Variants in MTUS2 observed in about 807,000 individuals in gnomAD.
The protein encoded by MTUS2 is microtubule associated scaffold protein 2, also known as microtubule-associated tumor suppressor candidate 2.
Under a neutral mutation model 114.1 loss-of-function variants are expected in MTUS2, and 40 were observed. The ratio of observed to expected loss-of-function variants is 0.35; its 90% CI spans 0.27 to 0.46. The LOEUF (loss-of-function observed/expected upper bound fraction) is 0.46, where lower values mean the gene tolerates loss of function less well. MTUS2 is among the 20% of genes least tolerant of loss of function. The pLI is 1.00. For synonymous variants in MTUS2, 688 were observed against 672.0 expected, an observed-to-expected ratio of 1.02 and a Z score of -0.37; for missense variants, 1,679 against 1,705.4, an observed-to-expected ratio of 0.98 and a Z score of 0.27.
intron 5 of MTUS2, among the ~76,000 whole-genome samples, chr13:29,195,230 A>G (rs1397936142): frequency 1.5e-5 from 2 of 132,350 alleles, no homozygotes; most frequent in Non-Finnish European, 3.2e-5. Flanking sequence ...GTACCCTAAA[A>G]CTTAAAGTAT....
intron 2 of MTUS2, among the ~76,000 whole-genome samples, chr13:28,852,975 T>TACATA (rs57396668): frequency 0.092 from 13,864 of 151,184 alleles, 732 homozygotes; most frequent in Middle Eastern, 0.12. Context: ...ATACATACAT[T>TACATA]CATTCATTCA....
intron 5 of MTUS2, among the ~76,000 whole-genome samples, chr13:29,149,540 A>T (rs1405149790): frequency 6.6e-6 from 1 of 152,018 alleles, no homozygotes; most frequent in African/African-American, 2.4e-5. Context: ...CCCATTTGTC[A>T]ATTTTAGTTT....
At position 29,389,809 on chromosome 13, in the gene MTUS2, GTATATATACATACATA is replaced by G. The variant is rs1363700461; in HGVS notation, c.3117+30338_3117+30353del. Among the ~76,000 whole-genome samples the G allele has an allele frequency of 2.8e-4, 19 of 67,200 alleles. 3 individuals are homozygous for G. The highest frequency in any genetic ancestry group is 1.4e-3 in the African/African-American group (19 of 13,488). The allele number at this position is 67,200 out of a possible 152,430, so 44.1% of individuals were successfully genotyped here. A position where few individuals can be genotyped will look rare whatever the true frequency, so the allele number is the denominator to read the frequency against. On this transcript the variant is annotated intron_variant, in intron 8 of 15. Coordinates refer to ENST00000612955, the MANE Select transcript of MTUS2 (RefSeq NM_001033602.4). Reference sequence around the variant, plus strand: ...TGTATATGTATATACATACATATGTGTATATATACATACATATGTGTATATATACATACATATGTGT... The same window carrying G: ...TGTATATGTATATACATACATATGTGTGTGTATATATACATACATATGTGT...
At chr13:29,072,837 A>G (rs1889003836) in intron 4 of MTUS2, among the ~76,000 whole-genome samples, 1 of 152,252 alleles carries the variant, frequency 6.6e-6, no homozygotes. Flanking sequence ...TCTGAAAGAT[A>G]TTAGTACAAG....
chr13:28,890,401 G>C (rs1420214235), intron 2 of MTUS2, among the ~76,000 whole-genome samples: 1 of 152,136 alleles, frequency 6.6e-6, no homozygotes, highest in East Asian at 1.9e-4. Context: ...GACTACCTGG[G>C]TTCAAATCCT....
At chr13:29,092,235 T>G (rs183192727) in intron 4 of MTUS2, among the ~76,000 whole-genome samples, 2 of 152,360 alleles carry the variant, frequency 1.3e-5, no homozygotes, top group African/African-American at 4.8e-5. Flanking sequence ...TTCCTCTGAT[T>G]GATTCTAACC....
intron 2 of MTUS2, among the ~76,000 whole-genome samples, chr13:28,888,587 A>G (rs754013918): frequency 7.2e-5 from 11 of 152,034 alleles, no homozygotes; most frequent in Non-Finnish European, 1.5e-4. Flanking sequence ...ACACCCAGCT[A>G]ATTTTTGTAT....
intron 2 of MTUS2, among the ~76,000 whole-genome samples, chr13:28,972,897 C>G (rs927986409): frequency 6.6e-6 from 1 of 151,988 alleles, no homozygotes; most frequent in Non-Finnish European, 1.5e-5. Flanking sequence ...ATAGTTAAGC[C>G]CCTATCTAAA....
At chr13:29,190,973 C>G (rs1354703186) in intron 5 of MTUS2, among the ~76,000 whole-genome samples, 3 of 152,108 alleles carry the variant, frequency 2.0e-5, no homozygotes, top group African/African-American at 7.2e-5. Context: ...TAGGCATGCT[C>G]CTTATAAGAG....
At chr13:28,972,049 G>A (rs1161103458) in intron 2 of MTUS2, among the ~76,000 whole-genome samples, 1 of 152,194 alleles carries the variant, frequency 6.6e-6, no homozygotes, top group Non-Finnish European at 1.5e-5. Context: ...AATTTCACAA[G>A]ATATAGATGG....
At chr13:29,429,680 C>G (rs1876841925) in intron 8 of MTUS2, among the ~76,000 whole-genome samples, 1 of 152,310 alleles carries the variant, frequency 6.6e-6, no homozygotes, top group Non-Finnish European at 1.5e-5. Flanking sequence ...CTGTGAGATA[C>G]TTTATTGTCA....
At chr13:29,426,363 C>T (rs1593431302) in intron 8 of MTUS2, among the ~76,000 whole-genome samples, 1 of 152,210 alleles carries the variant, frequency 6.6e-6, no homozygotes. Flanking sequence ...GCTTTAGCCC[C>T]ATTGTAAGTC....
intron 2 of MTUS2, among the ~76,000 whole-genome samples, chr13:28,971,419 C>T (rs936976963): frequency 6.6e-6 from 1 of 152,132 alleles, no homozygotes. Context: ...AATCCTCAGG[C>T]TCTCATTTTG....
chr13:29,364,343 C>G (rs1367517689), intron 8 of MTUS2, among the ~76,000 whole-genome samples: 1 of 152,062 alleles, frequency 6.6e-6, no homozygotes, highest in Non-Finnish European at 1.5e-5. Flanking sequence ...ACACCCGATG[C>G]CTGCTGTCTG....
chr13:29,234,768 CA>C (rs1896469220), intron 5 of MTUS2, among the ~76,000 whole-genome samples: 1 of 152,088 alleles, frequency 6.6e-6, no homozygotes, highest in African/African-American at 2.4e-5. Flanking sequence ...CTATTCCCCA[CA>C]ACCCCTCCTA....
At position 29,194,333 on chromosome 13, in the gene MTUS2, G is replaced by A. The variant is rs529579333; in HGVS notation, c.2645-87371G>A. ...ACCTACAAAATGGGAGAAAATTTTC[G>A]CAACCTACTCATCTGACAAAGGGCT... is the stretch of plus-strand genomic sequence containing the variant. On this transcript the variant is annotated intron_variant, in intron 5 of 15. Coordinates refer to ENST00000612955, the MANE Select transcript of MTUS2 (RefSeq NM_001033602.4). Among the ~76,000 whole-genome samples, 706 of 151,614 alleles carry A rather than the reference G, an allele frequency of 4.7e-3. 5 individuals are homozygous for A. Among genetic ancestry groups the A allele is most frequent in the Middle Eastern group, 0.01 (3 of 290 alleles).
chr13:29,351,345 C>G (rs999658637), intron 7 of MTUS2, among the ~76,000 whole-genome samples: 3 of 152,082 alleles, frequency 2.0e-5, no homozygotes, highest in African/African-American at 2.4e-5. Flanking sequence ...CCCTCCTGGG[C>G]TGTAAATTGA....
rs181609524 is a variant in MTUS2, at chr13:29,023,116, A to G, written c.-242-1341A>G. On this transcript the variant is annotated intron_variant, in intron 2 of 15. Transcript: ENST00000612955. ...GTTATGTTGCATATTGAAGGATGCA[A>G]AGGACTTGTAAGATGAGGTTGGGGG... Among the ~76,000 whole-genome samples the G allele has an allele frequency of 7.2e-5, 11 of 152,306 alleles. No individual in the cohort carries two copies. The East Asian group carries it at 2.1e-3, about 29-fold the overall frequency.
chr13:28,973,507 C>T (rs1174067175), intron 2 of MTUS2, among the ~76,000 whole-genome samples: 3 of 152,212 alleles, frequency 2.0e-5, no homozygotes, highest in Non-Finnish European at 4.4e-5. Flanking sequence ...ATATATGCAT[C>T]TTCGGCTATC....
Sources: allele counts gnomAD v4.1 joint callset (sites outside exome capture counted in the v4.1 genomes callset), GRCh38; gene constraint gnomAD v4.1.1; transcripts MANE v1.5; gene names NCBI Gene and HGNC (gene_info 2026-07-23, HGNC 2026-07-21).